The following RNF115 variants were observed in gnomAD, a reference collection of about 807,000 sequenced individuals.
RNF115 encodes the protein E3 ubiquitin-protein ligase RNF115.
In RNF115, 31 loss-of-function variants were observed where a neutral mutation model predicts 39.2. The observed-to-expected ratio is 0.79, with a 90% CI of 0.59 to 1.07. The LOEUF (loss-of-function observed/expected upper bound fraction) is 1.07, where lower values mean the gene tolerates loss of function less well. Ranked by LOEUF, RNF115 falls within the 50% of genes least tolerant of loss-of-function variation. RNF115 has a pLI of 0.00. For missense variants in RNF115, 384 were observed against 381.7 expected (o/e 1.01, Z -0.05); for synonymous variants, 124 against 131.0 (o/e 0.95, Z 0.37).
At chr1:145,799,069 TTTC>T (rs1288115500) in intron 1 of RNF115, among the ~76,000 whole-genome samples, 1 of 151,824 alleles carries the variant, frequency 6.6e-6, no homozygotes, top group Non-Finnish European at 1.5e-5. Context: ...TGTTTAGGGT[TTTC>T]TTTTTTTTTT....
At chr1:145,775,988 A>C (rs1207273971) in intron 3 of RNF115, among the ~76,000 whole-genome samples, 3 of 151,414 alleles carry the variant, frequency 2.0e-5, no homozygotes, top group Non-Finnish European at 2.9e-5. Flanking sequence ...ACAGAGCAAG[A>C]CCCTGTCTCA....
At chr1:145,766,471 G>A (rs1302425977) in intron 4 of RNF115, among the ~76,000 whole-genome samples, 4 of 152,002 alleles carry the variant, frequency 2.6e-5, no homozygotes, top group African/African-American at 9.7e-5. Context: ...CCACAAAACC[G>A]CCATTGTCAT....
chr1:145,750,289 TTTC>T (rs1255646658), intron 7 of RNF115, 115 bp downstream of exon 7: 2 of 811,618 alleles, frequency 2.5e-6, no homozygotes, highest in Admixed American at 2.7e-5. Flanking sequence ...TGGGATTTTT[TTTC>T]TTATTTTTTT....
Position 145,741,668 on chromosome 1 carries a change from T to TA in RNF115, c.*5197dup, listed in dbSNP as rs1180759236. On this transcript the variant is annotated 3_prime_UTR_variant, in exon 9 of 9. Transcript: ENST00000582693. ...TTCTCAACAAGAGGACTCTATCCTATAAGTCGTCCCCAATCCCCAGATCTC... is the reference window on the plus strand; with the variant it reads ...TTCTCAACAAGAGGACTCTATCCTATAAAGTCGTCCCCAATCCCCAGATCTC... The TA allele has an allele frequency of 6.6e-6, 1 of 152,304 alleles. No homozygotes were observed. The highest frequency in any genetic ancestry group is 1.5e-5 in the Non-Finnish European group (1 of 68,060). The allele number at this position is 152,304 out of a possible 1,614,324, so 9.4% of individuals were successfully genotyped here. A position where few individuals can be genotyped will look rare whatever the true frequency, so the allele number is the denominator to read the frequency against.
At chr1:145,751,722 G>T (rs141671932) in intron 5 of RNF115, among the ~76,000 whole-genome samples, 1 of 152,256 alleles carries the variant, frequency 6.6e-6, no homozygotes, top group African/African-American at 2.4e-5. Context: ...TACTTAACTA[G>T]AACATAAAAT....
chr1:145,782,872 A>G (rs943060024), intron 3 of RNF115, among the ~76,000 whole-genome samples: 1 of 152,202 alleles, frequency 6.6e-6, no homozygotes, highest in African/African-American at 2.4e-5. Context: ...ATTGTATTTT[A>G]CTTTTTTGAG....
intron 1 of RNF115, among the ~76,000 whole-genome samples, chr1:145,805,238 G>T (rs1649412565): frequency 6.6e-6 from 1 of 152,120 alleles, no homozygotes; most frequent in Non-Finnish European, 1.5e-5. Context: ...CTCACAGCAG[G>T]AACATTCAAG....
intron 1 of RNF115, among the ~76,000 whole-genome samples, chr1:145,807,404 A>C (rs1006041082): frequency 6.6e-6 from 1 of 152,210 alleles, no homozygotes; most frequent in Non-Finnish European, 1.5e-5. Context: ...ATGCTAATAT[A>C]ATATTAAAAC....
At chr1:145,806,064 A>C (rs1649445587) in intron 1 of RNF115, among the ~76,000 whole-genome samples, 1 of 152,182 alleles carries the variant, frequency 6.6e-6, no homozygotes, top group Non-Finnish European at 1.5e-5. Flanking sequence ...TATTAAATTT[A>C]AGTCCAGGCA....
chr1:145,804,234 C>T (rs1257384054), intron 1 of RNF115, among the ~76,000 whole-genome samples: 1 of 152,186 alleles, frequency 6.6e-6, no homozygotes, highest in African/African-American at 2.4e-5. Flanking sequence ...ACTAAAATCA[C>T]CTACAAAGTA....
intron 1 of RNF115, among the ~76,000 whole-genome samples, chr1:145,806,118 C>T (rs1649449136): frequency 6.6e-6 from 1 of 152,062 alleles, no homozygotes; most frequent in Non-Finnish European, 1.5e-5. Flanking sequence ...GAAGCTGAGG[C>T]GGGTGGATCA....
At chr1:145,808,581 T>A (rs1440519775) in intron 1 of RNF115, among the ~76,000 whole-genome samples, 2 of 152,212 alleles carry the variant, frequency 1.3e-5, no homozygotes, top group African/African-American at 4.8e-5. Context: ...AACATACAAA[T>A]CAAGACTAGC....
intron 1 of RNF115, among the ~76,000 whole-genome samples, chr1:145,795,184 G>C (rs1384541026): frequency 6.6e-6 from 1 of 151,934 alleles, no homozygotes; most frequent in Non-Finnish European, 1.5e-5. Context: ...GGCACGTCCG[G>C]AATTGTTTGA....
intron 4 of RNF115, among the ~76,000 whole-genome samples, chr1:145,764,882 T>G (rs1472200269): frequency 4.1e-5 from 6 of 147,034 alleles, no homozygotes; most frequent in African/African-American, 7.5e-5. Flanking sequence ...TGGGAAGTGA[T>G]GAGCCCCTCT....
chr1:145,805,045 T>C (rs1430016687), intron 1 of RNF115, among the ~76,000 whole-genome samples: 1 of 151,640 alleles, frequency 6.6e-6, no homozygotes, highest in East Asian at 1.9e-4. Context: ...AGTATAAATA[T>C]TAAAAAAAAA....
At chr1:145,747,557 C>T (rs2624756) in intron 8 of RNF115, among the ~76,000 whole-genome samples, 45,418 of 152,068 alleles carry the variant, frequency 0.3, 7,734 homozygotes, top group Non-Finnish European at 0.38. Context: ...ACACAAGAAT[C>T]ACTTGAAACC....
intron 4 of RNF115, among the ~76,000 whole-genome samples, chr1:145,762,402 T>C (rs1658566577): frequency 1.3e-5 from 2 of 152,286 alleles, no homozygotes; most frequent in East Asian, 3.9e-4. Flanking sequence ...ATTAAACCTC[T>C]TTTTCTTCCC....
intron 1 of RNF115, among the ~76,000 whole-genome samples, chr1:145,802,719 A>G (rs1649302253): frequency 6.6e-6 from 1 of 152,192 alleles, no homozygotes; most frequent in African/African-American, 2.4e-5. Flanking sequence ...GACAGCCACA[A>G]TTTTAAGTTA....
chr1:145,744,417 C>A lies in RNF115; in HGVS notation c.*2449G>T, dbSNP rs151062694. The A allele has an allele frequency of 1.3e-5, 2 of 152,278 alleles. No individual in the cohort carries two copies. The highest frequency in any genetic ancestry group is 2.9e-5 in the Non-Finnish European group (2 of 68,062). 9.4% of individuals were successfully genotyped at this position (152,278 alleles called of 1,614,324 possible). A position where few individuals can be genotyped will look rare whatever the true frequency, so the allele number is the denominator to read the frequency against. On this transcript the variant is annotated 3_prime_UTR_variant, in exon 9 of 9. Coordinates refer to ENST00000582693, the MANE Select transcript of RNF115 (RefSeq NM_014455.4). The stretch of plus-strand genomic sequence containing the variant: ...ATCTCATTCCCCAAATAAACAATCA[C>A]TACAGAGGTGTAATATGGGAGGTAT...
Sources: gnomAD v4.1 joint callset for allele counts (sites outside exome capture counted in the v4.1 genomes callset) on GRCh38, gnomAD v4.1.1 for gene constraint, MANE v1.5 for transcripts, NCBI Gene and HGNC (gene_info 2026-07-23, HGNC 2026-07-21) for gene names.